The following EBF4 variants were observed in gnomAD, a reference collection of about 807,000 sequenced individuals.
EBF4 encodes the protein transcription factor COE4.
Under a neutral mutation model 67.1 loss-of-function variants are expected in EBF4, and 34 were observed. The ratio of observed to expected loss-of-function variants is 0.51; its 90% CI spans 0.39 to 0.67. The LOEUF (loss-of-function observed/expected upper bound fraction) is 0.67, where lower values mean the gene tolerates loss of function less well. EBF4 is among the 30% of genes least tolerant of loss of function. The probability of loss-of-function intolerance (pLI) is 0.00; values close to 1 mark genes in which losing one functional copy is unlikely to be tolerated. For synonymous variants in EBF4, 387 were observed against 377.7 expected (o/e 1.02, Z -0.29); for missense variants, 837 against 873.3 (o/e 0.96, Z 0.52).
exon 14 of EBF4, chr20:2,752,457 C>A (rs1229596747): frequency 1.6e-6 from 2 of 1,271,782 alleles, no homozygotes; most frequent in Non-Finnish European, 2.0e-6. Flanking sequence ...CTGGCCTGGG[C>A]GGCTACGGCG....
rs148387174 is a variant in EBF4, at chr20:2,709,407, C to T, written c.489-167C>T. ...AGGGTCCCTGCGGAGGAGCCCACAG[C>T]CTTTCTCCCCCAAGCCCTGGGAGTG... is the stretch of plus-strand genomic sequence containing the variant. On this transcript the variant is annotated intron_variant, in intron 5 of 16. Coordinates refer to ENST00000609451, the Ensembl canonical transcript of EBF4. Among the ~76,000 whole-genome samples the T allele has an allele frequency of 7.7e-3, 1,156 of 149,238 alleles. 48 individuals are homozygous for T. Among genetic ancestry groups the T allele is most frequent in the Admixed American group, 0.06 (914 of 15,182 alleles).
intron 1 of EBF4, among the ~76,000 whole-genome samples, chr20:2,700,877 C>G (rs1398592135): frequency 6.6e-6 from 1 of 152,222 alleles, no homozygotes; most frequent in Non-Finnish European, 1.5e-5. Flanking sequence ...CTCTCGAGTC[C>G]TATTCCCCGC....
intron 6 of EBF4, among the ~76,000 whole-genome samples, chr20:2,718,213 A>G (rs949240045): frequency 6.6e-6 from 1 of 152,146 alleles, no homozygotes; most frequent in African/African-American, 2.4e-5. Flanking sequence ...TTTTGTTAAG[A>G]ATTTTTGCAT....
chr20:2,731,099 A>T (rs535579409), intron 6 of EBF4, among the ~76,000 whole-genome samples: 4 of 152,062 alleles, frequency 2.6e-5, no homozygotes, highest in Non-Finnish European at 5.9e-5. Flanking sequence ...GGGTTTCACC[A>T]TGTTGGTCAG....
chr20:2,736,472 A>G (rs1024290063), intron 6 of EBF4, among the ~76,000 whole-genome samples: 3 of 152,186 alleles, frequency 2.0e-5, no homozygotes, highest in Non-Finnish European at 4.4e-5. Flanking sequence ...CCACTGGTCA[A>G]TGCAACATTC....
chr20:2,709,911 G>C (rs559375441), intron 6 of EBF4, among the ~76,000 whole-genome samples: 3 of 152,168 alleles, frequency 2.0e-5, no homozygotes, highest in South Asian at 2.1e-4. Context: ...GAGGTTGAGA[G>C]GGGGGTGGGA....
chr20:2,752,411 G>A (rs1427844711), exon 14 of EBF4: 2 of 1,291,910 alleles, frequency 1.5e-6, no homozygotes, highest in Non-Finnish European at 9.8e-7. Context: ...CCCAGCCCCG[G>A]CTCGCAGCAG....
rs1273290214 is a variant in EBF4 at position 2,693,956 on chromosome 20, G to A, written c.137+174G>A. ...GCCTGTGCTGCCTCCTGAGGCTGTG[G>A]GGCGGGCTGGGGCGGGGCTTCTGCC... On this transcript the variant is annotated intron_variant, in intron 1 of 16. Coordinates refer to ENST00000609451, the Ensembl canonical transcript of EBF4. This position sits in a 1 kb window ranked among gnomAD's most constrained non-coding sequence, Gnocchi z 4.6. 6.6e-6 allele frequency among the ~76,000 whole-genome samples: 1 copy of A among 151,966 alleles called. No homozygotes were observed. Among genetic ancestry groups the A allele is most frequent in the African/African-American group, 2.4e-5 (1 of 41,216 alleles).
chr20:2,726,631 G>T (rs2087750143), intron 6 of EBF4, among the ~76,000 whole-genome samples: 1 of 151,582 alleles, frequency 6.6e-6, no homozygotes, highest in East Asian at 1.9e-4. Flanking sequence ...ATTTAAACGT[G>T]TTTTAATAAC....
At chr20:2,734,117 C>T (rs1367454747) in intron 6 of EBF4, among the ~76,000 whole-genome samples, 1 of 152,068 alleles carries the variant, frequency 6.6e-6, no homozygotes, top group African/African-American at 2.4e-5. Context: ...CATTTAAAGT[C>T]TTTATCTATG....
rs1352176541 is a variant in EBF4, at chr20:2,697,007, G to A, written c.137+3225G>A. On this transcript the variant is annotated intron_variant, in intron 1 of 16. Coordinates refer to ENST00000609451, the Ensembl canonical transcript of EBF4. ...TGATGACTGTCTGCCGGAGGAAGCA[G>A]TAATGTTTCTCAGAGGCTCCCAAGT... Among the ~76,000 whole-genome samples the A allele has an allele frequency of 7.9e-5, 12 of 152,220 alleles. No individual in the cohort carries two copies. The East Asian group carries it at 2.3e-3, about 29-fold the overall frequency.
Position 2,751,671 on chromosome 20 carries a change from C to A in EBF4, c.1019-29C>A. 1.3e-6 allele frequency: 2 copies of A among 1,547,370 alleles called. No individual in the cohort carries two copies. Among genetic ancestry groups the A allele is most frequent in the Non-Finnish European group, 1.7e-6 (2 of 1,144,220 alleles). The stretch of plus-strand genomic sequence containing the variant: ...TGGGAGTGGGGGGCTGCGGGGGAGA[C>A]GTCCTCCAAACGCCGCCCCCTTCCC... On this transcript the variant is annotated intron_variant, in intron 10 of 16. Coordinates refer to ENST00000609451, the Ensembl canonical transcript of EBF4. The surrounding 1 kb of genome is among the most constrained non-coding windows in gnomAD (Gnocchi z 5.2).
chr20:2,748,119 A>G (rs1407901597), intron 6 of EBF4, among the ~76,000 whole-genome samples: 1 of 152,170 alleles, frequency 6.6e-6, no homozygotes, highest in African/African-American at 2.4e-5. Context: ...ACAGTGTGTG[A>G]TAACATTACA....
At position 2,696,920 on chromosome 20, in the gene EBF4, T is replaced by C. The variant is rs2325900; in HGVS notation, c.137+3138T>C. On this transcript the variant is annotated intron_variant, in intron 1 of 16. Coordinates refer to ENST00000609451, the Ensembl canonical transcript of EBF4. The surrounding 1 kb of genome is among the most constrained non-coding windows in gnomAD (Gnocchi z 4.7). ...CCTTCCCCTAAGGCAAGGGTAGCGG[T>C]CCGTTCATCCTTGTGTCCACAGCAC... 0.27 allele frequency among the ~76,000 whole-genome samples: 41,708 copies of C among 152,094 alleles called. 6,133 individuals carry two copies. The highest frequency in any genetic ancestry group is 0.38 in the Admixed American group (5,827 of 15,294).
chr20:2,756,826 A>G lies in EBF4; in HGVS notation c.1738+1002A>G, dbSNP rs1019339216. Among the ~76,000 whole-genome samples the G allele has an allele frequency of 6.6e-6, 1 of 152,244 alleles. No individual in the cohort carries two copies. Among genetic ancestry groups the G allele is most frequent in the Non-Finnish European group, 1.5e-5 (1 of 68,044 alleles). ...GCATTAGGAAAGAATCAGTGTTGAA[A>G]TTACGTAAGTGGCTACTGAAGAATT... On this transcript the variant is annotated intron_variant, in intron 15 of 16. Coordinates refer to ENST00000609451, the Ensembl canonical transcript of EBF4. The surrounding 1 kb of genome is among the most constrained non-coding windows in gnomAD (Gnocchi z 4.5).
In EBF4 at chr20:2,749,684, CA is replaced by C; in HGVS notation, c.823del (p.Ile275LeufsTer45). The C allele has an allele frequency of 6.4e-7, 1 of 1,566,686 alleles. No individual in the cohort carries two copies. The highest frequency in any genetic ancestry group is 8.6e-7 in the Non-Finnish European group (1 of 1,156,370). On this transcript the variant is annotated frameshift_variant, in exon 9 of 17. Coordinates refer to ENST00000609451, the Ensembl canonical transcript of EBF4. LOFTEE classifies it high-confidence loss of function. ...GCTGGACCACGGGCGGCGCCACCGT[CA>C]TTGTCATCGGCGACAACTTCTTCGA...
intron 6 of EBF4, among the ~76,000 whole-genome samples, chr20:2,744,491 TC>T (rs1365527084): frequency 1.0e-4 from 11 of 106,380 alleles, no homozygotes; most frequent in Admixed American, 3.3e-4. Flanking sequence ...TTTTTTCTTT[TC>T]TTTTTTTTTT....
In EBF4 at chr20:2,755,424, A is replaced by T. The variant is rs2088226266; in HGVS notation, c.1541-203A>T. 3.5e-6 allele frequency: 2 copies of T among 574,494 alleles called. No homozygotes were observed. The highest frequency in any genetic ancestry group is 3.1e-5 in the Admixed American group (1 of 31,850). The allele number at this position is 574,494 out of a possible 1,614,324, so 35.6% of individuals were successfully genotyped here. ...TACCTGGTCTGGCCCTGTCATCCCC[A>T]GCCCCGAGAAAAGGTCTCCAGAACC... On this transcript the variant is annotated intron_variant, in intron 14 of 16. Coordinates refer to ENST00000609451, the Ensembl canonical transcript of EBF4. The surrounding 1 kb of genome is among the most constrained non-coding windows in gnomAD (Gnocchi z 4.7).
chr20:2,731,024 G>A (rs535987101), intron 6 of EBF4, among the ~76,000 whole-genome samples: 11 of 152,172 alleles, frequency 7.2e-5, no homozygotes, highest in Middle Eastern at 3.4e-3. Context: ...TCAGCCTCCC[G>A]AGTAGCTGGG....
Sources: allele counts gnomAD v4.1 joint callset (sites outside exome capture counted in the v4.1 genomes callset), GRCh38; gene constraint gnomAD v4.1.1; non-coding constraint Gnocchi (gnomAD v3.1); transcripts MANE v1.5; gene names NCBI Gene and HGNC (gene_info 2026-07-23, HGNC 2026-07-21).